Variants in TBX20 observed in about 807,000 individuals in gnomAD.
TBX20 encodes T-box transcription factor TBX20.
In TBX20, 8 loss-of-function variants were observed where a neutral mutation model predicts 42.9. That is an observed-to-expected ratio of 0.19 (90% CI 0.11 to 0.34). TBX20 has a LOEUF of 0.34. Ranked by LOEUF, TBX20 falls within the 10% of genes least tolerant of loss-of-function variation. TBX20 has a pLI of 1.00. For synonymous variants in TBX20, 198 were observed against 222.8 expected (o/e 0.89, Z 0.99); for missense variants, 411 against 566.0 (o/e 0.73, Z 2.78).
chr7:35,217,940 A>G (rs1009739839), intron 6 of TBX20, among the ~76,000 whole-genome samples: 1 of 152,118 alleles, frequency 6.6e-6, no homozygotes, highest in Non-Finnish European at 1.5e-5. Flanking sequence ...GGCTGGTCTC[A>G]AAATCCTGAG....
intron 6 of TBX20, among the ~76,000 whole-genome samples, chr7:35,209,482 C>T (rs1044955819): frequency 5.3e-5 from 8 of 151,924 alleles, no homozygotes; most frequent in Non-Finnish European, 1.0e-4. Context: ...ATTATCTTTC[C>T]TTTTAATACC....
intron 3 of TBX20, among the ~76,000 whole-genome samples, chr7:35,248,396 T>G (rs1790235059): frequency 6.6e-6 from 1 of 152,232 alleles, no homozygotes; most frequent in South Asian, 2.1e-4. Flanking sequence ...TGGGTCCACA[T>G]TTCTAATGAA....
intron 6 of TBX20, among the ~76,000 whole-genome samples, chr7:35,216,986 T>A (rs1465949369): frequency 1.3e-5 from 2 of 152,156 alleles, no homozygotes; most frequent in Non-Finnish European, 1.5e-5. Flanking sequence ...AGACAATGTA[T>A]CAATATTCGT....
chr7:35,246,853 A>T (rs1259841907), intron 3 of TBX20, among the ~76,000 whole-genome samples: 1 of 152,124 alleles, frequency 6.6e-6, no homozygotes, highest in Non-Finnish European at 1.5e-5. Context: ...TTTATCCCAT[A>T]ATAAGCTAAA....
At chr7:35,221,892 AG>A (rs1274598441) in intron 6 of TBX20, among the ~76,000 whole-genome samples, 1 of 152,208 alleles carries the variant, frequency 6.6e-6, no homozygotes, top group African/African-American at 2.4e-5. Flanking sequence ...AAAGATGATA[AG>A]AAAGACCAAG....
chr7:35,242,624 C>A (rs1167867045), intron 4 of TBX20, among the ~76,000 whole-genome samples: 4 of 152,114 alleles, frequency 2.6e-5, no homozygotes, highest in Admixed American at 2.0e-4. Flanking sequence ...TTTAAATAAG[C>A]TGCTTCTTTC....
chr7:35,210,160 G>A (rs970480249), intron 6 of TBX20, among the ~76,000 whole-genome samples: 2 of 149,772 alleles, frequency 1.3e-5, no homozygotes, highest in African/African-American at 4.9e-5. Flanking sequence ...TGTCGCCCAG[G>A]CTGGAGTGCA....
At chr7:35,246,953 T>A (rs184627195) in intron 3 of TBX20, among the ~76,000 whole-genome samples, 25 of 152,118 alleles carry the variant, frequency 1.6e-4, no homozygotes, top group African/African-American at 6.0e-4. Flanking sequence ...CCCCAGAGAC[T>A]TAAAATTCCA....
At position 35,249,836 on chromosome 7, in the gene TBX20, T is replaced by C; in HGVS notation, c.380+115A>G. On this transcript the variant is annotated intron_variant, in intron 2 of 7. Coordinates refer to ENST00000408931, the MANE Select transcript of TBX20 (RefSeq NM_001077653.2). The surrounding 1 kb of genome is among the most constrained non-coding windows in gnomAD (Gnocchi z 4.3). ...GAAAGCAGCTGCCCTGGAGCCAAGC[T>C]GTCTCTCCGCTCCATGACCAGCCAG... 8.4e-7 allele frequency: 1 copy of C among 1,197,016 alleles called. No homozygotes were observed. The highest frequency in any genetic ancestry group is 1.2e-6 in the Non-Finnish European group (1 of 854,050). The allele number at this position is 1,197,016 out of a possible 1,614,324, so 74.1% of individuals were successfully genotyped here.
intron 6 of TBX20, among the ~76,000 whole-genome samples, chr7:35,210,541 A>C (rs568024588): frequency 2.9e-4 from 44 of 152,262 alleles, no homozygotes; most frequent in African/African-American, 1.1e-3. Flanking sequence ...GGGATATTAA[A>C]ATTTCCAACC....
chr7:35,221,829 T>C (rs1335305741), intron 6 of TBX20, among the ~76,000 whole-genome samples: 1 of 152,144 alleles, frequency 6.6e-6, no homozygotes, highest in South Asian at 2.1e-4. Context: ...AAATTAAAAA[T>C]AATTGTGGCC....
At chr7:35,209,710 T>C (rs1277277519) in intron 6 of TBX20, among the ~76,000 whole-genome samples, 1 of 152,226 alleles carries the variant, frequency 6.6e-6, no homozygotes, top group Non-Finnish European at 1.5e-5. Flanking sequence ...TTGGGTCTCA[T>C]TCACTATTGT....
chr7:35,229,672 A>T (rs1350348816), intron 6 of TBX20, among the ~76,000 whole-genome samples: 1 of 152,202 alleles, frequency 6.6e-6, no homozygotes, highest in Non-Finnish European at 1.5e-5. Context: ...CCTATCTTGT[A>T]AACCAATGTG....
At chr7:35,234,254 G>A (rs1264501194) in intron 5 of TBX20, among the ~76,000 whole-genome samples, 1 of 152,118 alleles carries the variant, frequency 6.6e-6, no homozygotes, top group Non-Finnish European at 1.5e-5. Context: ...ATTAAAGATG[G>A]ACTTTTGACA....
Position 35,250,107 on chromosome 7 carries a change from G to C in TBX20, c.224C>G (p.Pro75Arg), listed in dbSNP as rs540565352. The change falls in exon 2 of 8, where the codon CCG (proline) becomes CGG (arginine). Residue 75 changes from proline to arginine, a missense_variant. Transcript: ENST00000408931. ...CTCAGTGCACAGAGAGGAGGAGGAC[G>C]GGCTGCTGCCACTGCCTCCACCAAA... The part of the protein sequence containing the change: ...GEFGGGSGSS[P>R]SSSSLCTEPL... The C allele has an allele frequency of 1.2e-6, 2 of 1,613,576 alleles. No homozygotes were observed. Among genetic ancestry groups the C allele is most frequent in the Non-Finnish European group, 1.7e-6 (2 of 1,179,820 alleles).
chr7:35,237,590 G>C (rs983979529), intron 5 of TBX20, among the ~76,000 whole-genome samples: 13 of 139,042 alleles, frequency 9.3e-5, no homozygotes, highest in African/African-American at 3.1e-4. Flanking sequence ...GGAAGAGGGA[G>C]GAAAGAGAAA....
At chr7:35,224,531 A>G (rs77800156) in intron 6 of TBX20, among the ~76,000 whole-genome samples, 9,568 of 101,988 alleles carry the variant, frequency 0.094, no homozygotes, top group African/African-American at 0.16. Flanking sequence ...AATTAGCTGG[A>G]CGTGGTGGCA....
At chr7:35,229,105 C>T (rs899260394) in intron 6 of TBX20, among the ~76,000 whole-genome samples, 1 of 152,188 alleles carries the variant, frequency 6.6e-6, no homozygotes, top group African/African-American at 2.4e-5. Flanking sequence ...GTGTCCCACA[C>T]ATTAAGCTGT....
rs59548164 is a variant in TBX20 at position 35,213,877 on chromosome 7, C to CAAAAAAAAAAAAAAAAAAAAA, written c.891-9316_891-9296dup. 1.0e-4 allele frequency among the ~76,000 whole-genome samples: 6 copies of CAAAAAAAAAAAAAAAAAAAAA among 59,770 alleles called. 1 individual carries two copies. The highest frequency in any genetic ancestry group is 4.1e-4 in the African/African-American group (6 of 14,762). 39.2% of individuals were successfully genotyped at this position (59,770 alleles called of 152,430 possible). A position where few individuals can be genotyped will look rare whatever the true frequency, so the allele number is the denominator to read the frequency against. ...TATGAACAAGGAATTGCAGAGATAGCAAAAAAAAAAAAAAAAAAAAAAAAT... is the reference window on the plus strand; with the variant it reads ...TATGAACAAGGAATTGCAGAGATAGCAAAAAAAAAAAAAAAAAAAAAAAAAAAAAAAAAAAAAAAAAAAAAT... On this transcript the variant is annotated intron_variant, in intron 6 of 7. Coordinates refer to ENST00000408931, the MANE Select transcript of TBX20 (RefSeq NM_001077653.2).
Sources: gnomAD v4.1 joint callset for allele counts (sites outside exome capture counted in the v4.1 genomes callset) on GRCh38, gnomAD v4.1.1 for gene constraint, Gnocchi (gnomAD v3.1) non-coding constraint, MANE v1.5 for transcripts, NCBI Gene and HGNC (gene_info 2026-07-23, HGNC 2026-07-21) for gene names.